The following CIITA variants were observed in gnomAD, a reference collection of about 807,000 sequenced individuals.
The protein encoded by CIITA is class II major histocompatibility complex transactivator.
Under a neutral mutation model 115.1 loss-of-function variants are expected in CIITA, and 72 were observed. The observed-to-expected ratio is 0.63, with a 90% CI of 0.52 to 0.76. The LOEUF is 0.76. Among genes scored for constraint, CIITA ranks in the 30% least tolerant of loss-of-function variants. The pLI is 0.00. For missense variants in CIITA, 1,617 were observed against 1,463.8 expected (o/e 1.10, Z -1.71); for synonymous variants, 763 against 635.6 (o/e 1.20, Z -3.02).
At chr16:10,899,084 A>C (rs1197334164) in intron 5 of CIITA, 82 bp downstream of exon 5, 1 of 1,378,072 alleles carries the variant, frequency 7.3e-7, no homozygotes, top group Non-Finnish European at 1.0e-6. Context: ...TGTGGGTCCA[A>C]CTTGCTTCCC....
chr16:10,918,113 C>T (rs577256068), intron 15 of CIITA, among the ~76,000 whole-genome samples: 4 of 152,272 alleles, frequency 2.6e-5, no homozygotes, highest in East Asian at 3.9e-4. Flanking sequence ...GCCCACAACC[C>T]GGCAGAAAGG....
chr16:10,899,105 C>A, intron 5 of CIITA, 103 bp downstream of exon 5: 1 of 1,131,446 alleles, frequency 8.8e-7, no homozygotes, highest in South Asian at 1.3e-5. Flanking sequence ...TCGCTAAGTC[C>A]TGTCTGGTTG....
chr16:10,907,168 A>G lies in CIITA; in HGVS notation c.1676A>G (p.Lys559Arg). 6.2e-7 allele frequency: 1 copy of G among 1,613,040 alleles called. No individual in the cohort carries two copies. Among genetic ancestry groups the G allele is most frequent in the South Asian group, 1.1e-5 (1 of 91,054 alleles). The change falls in exon 11 of 20, where the codon AAG becomes AGG. Residue 559 changes from lysine (K) to arginine (R), a missense_variant. Lys to Arg is a conservative substitution (Grantham distance 26, BLOSUM62 2). Coordinates refer to ENST00000324288, the MANE Select transcript of CIITA (RefSeq NM_000246.4). This position sits in a 1 kb window ranked among gnomAD's most constrained non-coding sequence, Gnocchi z 5.0. Reference sequence around the variant, plus strand: ...GGCCGCCTGGTCCAGAGCCTGAGCAAGGCCGACGCCCTATTTGAGCTGTCC... The same window carrying G: ...GGCCGCCTGGTCCAGAGCCTGAGCAGGGCCGACGCCCTATTTGAGCTGTCC... ...PRGRLVQSLSKADALFELSGF... is the reference protein window; with the variant it reads ...PRGRLVQSLSRADALFELSGF...
In CIITA at chr16:10,878,230, G is replaced by T. The variant is rs569374945; in HGVS notation, c.52+848G>T. ...TCCCCTGAAATGTATGGTTTGCTTT[G>T]AACCCAGAGACTGATGACAGGTCTG... On this transcript the variant is annotated intron_variant, in intron 1 of 19. Coordinates refer to ENST00000324288, the MANE Select transcript of CIITA (RefSeq NM_000246.4). 2.0e-5 allele frequency among the ~76,000 whole-genome samples: 3 copies of T among 152,252 alleles called. No individual in the cohort carries two copies. In the East Asian group the frequency reaches 5.8e-4, roughly 29 times the overall value.
chr16:10,905,816 C>A (rs7404615), intron 10 of CIITA, among the ~76,000 whole-genome samples: 1 of 151,854 alleles, frequency 6.6e-6, no homozygotes, highest in Non-Finnish European at 1.5e-5. Context: ...ACAAGAGAGA[C>A]GATGAGTGAA....
chr16:10,896,542 A>G (rs1178131089), intron 3 of CIITA, among the ~76,000 whole-genome samples: 1 of 152,156 alleles, frequency 6.6e-6, no homozygotes, highest in Non-Finnish European at 1.5e-5. Context: ...CGTGGGATAG[A>G]GAATCTCTTC....
chr16:10,904,021 G>T (rs910984589), intron 9 of CIITA, 126 bp downstream of exon 9: 11 of 1,286,268 alleles, frequency 8.6e-6, no homozygotes, highest in Admixed American at 3.7e-5. Flanking sequence ...TTAGGGGTCA[G>T]TCGGGACAGG....
chr16:10,872,334 G>T (rs1020200490), upstream of CIITA, among the ~76,000 whole-genome samples: 3 of 152,110 alleles, frequency 2.0e-5, no homozygotes, highest in Admixed American at 6.6e-5. Context: ...TGTTGGCCAG[G>T]CTGGTCTCAA....
At chr16:10,898,797 G>T (rs1331101933) in intron 4 of CIITA, 65 bp downstream of exon 4, 4 of 1,604,734 alleles carry the variant, frequency 2.5e-6, no homozygotes, top group African/African-American at 2.7e-5. Flanking sequence ...TCCCTGGGGG[G>T]TGCCCTAATA....
At chr16:10,866,899 G>T (rs2035109120) in intron 1 of CIITA, among the ~76,000 whole-genome samples, 1 of 152,216 alleles carries the variant, frequency 6.6e-6, no homozygotes, top group East Asian at 1.9e-4. Context: ...CTTCAAAGGG[G>T]TCTGCTGTCT....
At chr16:10,903,440 A>G (rs928105057) in intron 8 of CIITA, among the ~76,000 whole-genome samples, 2 of 152,198 alleles carry the variant, frequency 1.3e-5, no homozygotes, top group Non-Finnish European at 2.9e-5. Context: ...ATATCTAGGA[A>G]AATGAGCACT....
At position 10,910,198 on chromosome 16, in the gene CIITA, T is replaced by G. The variant is rs779281492; in HGVS notation, c.2827T>G (p.Ser943Ala). Reference protein sequence around the residue: ...KLVQTQRTRSSSEDTAGELPA... With the variant: ...KLVQTQRTRSASEDTAGELPA... ...GCCTGTTCTCTCCAGGACGAGAAGT[T>G]CCTCGGAAGACACAGCTGGGGAGCT... is the stretch of plus-strand genomic sequence containing the variant. The change falls in exon 13 of 20, where the codon TCC (serine) becomes GCC (alanine). Residue 943 changes from serine (S) to alanine (A), a missense_variant. Transcript: ENST00000324288. 1.2e-6 allele frequency: 2 copies of G among 1,614,026 alleles called. No homozygotes were observed. The highest frequency in any genetic ancestry group is 2.2e-5 in the South Asian group (2 of 91,044).
At chr16:10,910,048 TAAGAGGGG>T in intron 12 of CIITA, 132 bp from the exon 13 acceptor site, 4 of 705,306 alleles carry the variant, frequency 5.7e-6, no homozygotes, top group Admixed American at 4.4e-5. Context: ...TCTTTTTTTT[TAAGAGGGG>T]GACAACAGTT....
chr16:10,934,096 G>A lies in CIITA; in HGVS notation c.*10241G>A, dbSNP rs964938022. 1.3e-5 allele frequency: 2 copies of A among 152,206 alleles called. No homozygotes were observed. Among genetic ancestry groups the A allele is most frequent in the East Asian group, 1.9e-4 (1 of 5,208 alleles). The allele number at this position is 152,206 out of a possible 1,614,324, so 9.4% of individuals were successfully genotyped here. The stretch of plus-strand genomic sequence containing the variant: ...TTGGCTGCCAAAGCTGATCAGCAGC[G>A]GGCTTTGTGAAGATGCCTGGTCTAC... On this transcript the variant is annotated 3_prime_UTR_variant, in exon 20 of 20. Transcript: ENST00000324288. This position sits in a 1 kb window ranked among gnomAD's most constrained non-coding sequence, Gnocchi z 4.2.
chr16:10,918,629 C>A, intron 16 of CIITA, 103 bp downstream of exon 16: 3 of 938,022 alleles, frequency 3.2e-6, no homozygotes, highest in Non-Finnish European at 5.1e-6. Context: ...ACCCTAGAAG[C>A]AATCACCACA....
chr16:10,881,089 C>A (rs919982050), intron 1 of CIITA, among the ~76,000 whole-genome samples: 3 of 152,064 alleles, frequency 2.0e-5, no homozygotes, highest in Non-Finnish European at 2.9e-5. Flanking sequence ...GCCTGGGCAA[C>A]CTGGAGAAAC....
chr16:10,901,468 G>A lies in CIITA; in HGVS notation c.437-46G>A, dbSNP rs2144534140. 1 of 1,609,708 alleles carries A rather than the reference G, an allele frequency of 6.2e-7. No individual in the cohort carries two copies. On this transcript the variant is annotated intron_variant, in intron 5 of 19. Coordinates refer to ENST00000324288, the MANE Select transcript of CIITA (RefSeq NM_000246.4). This position sits in a 1 kb window ranked among gnomAD's most constrained non-coding sequence, Gnocchi z 6.8. ...TAGAGTCCTGAGCCCCTTCTGGCTT[G>A]GGACATCCTCTCCCTGGGGCAGCTG...
At chr16:10,873,710 C>T (rs536589100), upstream of CIITA, among the ~76,000 whole-genome samples, 17 of 152,292 alleles carry the variant, frequency 1.1e-4, no homozygotes, top group East Asian at 2.9e-3. Flanking sequence ...TACTCCCCAT[C>T]TCTCCCTGGG....
At chr16:10,908,870 A>G (rs547331371) in intron 11 of CIITA, 159 bp from the exon 12 acceptor site, 34 of 977,826 alleles carry the variant, frequency 3.5e-5, no homozygotes, top group East Asian at 2.6e-4. Flanking sequence ...GTAGGAATCA[A>G]TAAAGGCTGG....
Sources: gnomAD v4.1 joint callset for allele counts (sites outside exome capture counted in the v4.1 genomes callset) on GRCh38, gnomAD v4.1.1 for gene constraint, Gnocchi (gnomAD v3.1) non-coding constraint, MANE v1.5 for transcripts, NCBI Gene and HGNC (gene_info 2026-07-23, HGNC 2026-07-21) for gene names.